CECR2: variants seen among roughly 807,000 people sequenced by gnomAD.
CECR2 encodes the protein CECR2 histone acetyl-lysine reader, also known as chromatin remodeling regulator CECR2.
A neutral mutation model predicts 154.5 loss-of-function variants in CECR2; 30 were observed. That is an observed-to-expected ratio of 0.19 (90% CI 0.15 to 0.26). The LOEUF (loss-of-function observed/expected upper bound fraction) is 0.26, where lower values mean the gene tolerates loss of function less well. Ranked by LOEUF, CECR2 falls within the 10% of genes least tolerant of loss-of-function variation. CECR2 has a pLI of 1.00. For missense variants in CECR2, 1,743 were observed against 1,829.3 expected, an observed-to-expected ratio of 0.95 and a Z score of 0.86; for synonymous variants, 725 against 683.7, an observed-to-expected ratio of 1.06 and a Z score of -0.94.
intron 1 of CECR2, among the ~76,000 whole-genome samples, chr22:17,442,721 G>T (rs1363572354): frequency 6.6e-6 from 1 of 152,042 alleles, no homozygotes; most frequent in East Asian, 1.9e-4. Context: ...GCTAATTTTT[G>T]TATTTTTAGT....
chr22:17,400,588 A>G (rs912771361), intron 1 of CECR2, among the ~76,000 whole-genome samples: 8 of 152,142 alleles, frequency 5.3e-5, no homozygotes, highest in Admixed American at 2.6e-4. Context: ...GCTGGCTGAC[A>G]TCTTCATTTC....
At chr22:17,451,702 T>C (rs76198769) in intron 1 of CECR2, among the ~76,000 whole-genome samples, 11,103 of 152,156 alleles carry the variant, frequency 0.073, 1,135 homozygotes, top group African/African-American at 0.23. Context: ...GGTCTCAAAT[T>C]AAATATCATT....
At chr22:17,383,604 C>A (rs1182518605) in intron 1 of CECR2, among the ~76,000 whole-genome samples, 1 of 151,074 alleles carries the variant, frequency 6.6e-6, no homozygotes, top group Non-Finnish European at 1.5e-5. Flanking sequence ...AAAAACTCCT[C>A]CATTCCAGTT....
intron 9 of CECR2, among the ~76,000 whole-genome samples, chr22:17,526,041 T>C (rs1443372057): frequency 6.6e-6 from 1 of 152,156 alleles, no homozygotes; most frequent in Admixed American, 6.6e-5. Context: ...TCTACGTTCA[T>C]GGATAACAAG....
chr22:17,392,391 G>A (rs1022718227), intron 1 of CECR2, among the ~76,000 whole-genome samples: 4 of 152,192 alleles, frequency 2.6e-5, no homozygotes, highest in Non-Finnish European at 1.5e-5. Context: ...AGGAGGCTGA[G>A]GCAGGAGAAT....
At position 17,549,367 on chromosome 22, in the gene CECR2, C is replaced by G; in HGVS notation, c.4080C>G (p.Pro1360=). 1 of 1,613,938 alleles carries G rather than the reference C, an allele frequency of 6.2e-7. No individual in the cohort carries two copies. The highest frequency in any genetic ancestry group is 8.5e-7 in the Non-Finnish European group (1 of 1,179,874). Residue 1360 remains proline (P), a synonymous_variant, in exon 17 of 19, where the codon CCC becomes CCG. Transcript: ENST00000262608. ...TPQRPASHFQ[P]RAYSSPVAAL... ...AGCGGCCGGCCAGTCACTTTCAGCC[C>G]AGGGCTTACTCTTCCCCTGTGGCTG...
intron 1 of CECR2, among the ~76,000 whole-genome samples, chr22:17,376,700 G>C (rs373144317): frequency 6.6e-6 from 1 of 151,142 alleles, no homozygotes; most frequent in South Asian, 2.1e-4. Flanking sequence ...GTGCAGTGGC[G>C]TGATCTCAGC....
At position 17,549,328 on chromosome 22, in the gene CECR2, T is replaced by C. The variant is rs767591001; in HGVS notation, c.4041T>C (p.Pro1347=). The C allele has an allele frequency of 6.2e-7, 1 of 1,613,924 alleles. No individual in the cohort carries two copies. The highest frequency in any genetic ancestry group is 8.5e-7 in the Non-Finnish European group (1 of 1,179,882). The part of the protein sequence containing the change: ...PPHSVMLQTG[P]PYTPQRPASH... The stretch of plus-strand genomic sequence containing the variant: ...ACAGTGTGATGCTGCAGACGGGGCC[T>C]CCCTATACCCCTCAGCGGCCGGCCA... The change falls in exon 17 of 19, where the codon CCT becomes CCC. Residue 1347 remains proline, a synonymous_variant. Transcript: ENST00000262608.
chr22:17,472,343 C>CT (rs1047113003), intron 1 of CECR2, among the ~76,000 whole-genome samples: 15 of 152,156 alleles, frequency 9.9e-5, no homozygotes, highest in Non-Finnish European at 1.9e-4. Flanking sequence ...GGCCAGTGTG[C>CT]TTTTTTTCTT....
chr22:17,528,564 C>G (rs1418520434), intron 9 of CECR2, among the ~76,000 whole-genome samples: 2 of 151,946 alleles, frequency 1.3e-5, no homozygotes, highest in Middle Eastern at 6.8e-3. Context: ...GAGACAGAGT[C>G]TCACTCTTTT....
intron 8 of CECR2, among the ~76,000 whole-genome samples, chr22:17,517,272 C>T (rs1299443810): frequency 6.6e-6 from 1 of 152,242 alleles, no homozygotes; most frequent in Non-Finnish European, 1.5e-5. Flanking sequence ...TGTGCTAAGA[C>T]GTGCTTCCTT....
At chr22:17,507,127 G>A (rs1288026029) in intron 7 of CECR2, among the ~76,000 whole-genome samples, 1 of 152,118 alleles carries the variant, frequency 6.6e-6, no homozygotes, top group Non-Finnish European at 1.5e-5. Context: ...GTACCTACAG[G>A]GAGGCAAACA....
intron 4 of CECR2, 134 bp from the exon 5 acceptor site, chr22:17,500,497 T>C (rs995345531): frequency 1.6e-6 from 1 of 626,654 alleles, no homozygotes; most frequent in African/African-American, 1.8e-5. Flanking sequence ...AGACTGGAAG[T>C]TGCTGTTCCC....
chr22:17,475,115 G>T (rs1356334101), intron 1 of CECR2, among the ~76,000 whole-genome samples: 1 of 152,156 alleles, frequency 6.6e-6, no homozygotes, highest in Non-Finnish European at 1.5e-5. Context: ...AGTGAGCACT[G>T]GTGGGAGCAG....
At chr22:17,498,794 A>G (rs1161824198) in intron 3 of CECR2, among the ~76,000 whole-genome samples, 1 of 151,886 alleles carries the variant, frequency 6.6e-6, no homozygotes, top group Non-Finnish European at 1.5e-5. Flanking sequence ...AACCGCTCCC[A>G]GCCAAATCTG....
intron 1 of CECR2, among the ~76,000 whole-genome samples, chr22:17,395,631 C>T (rs1273702321): frequency 1.3e-5 from 2 of 152,162 alleles, no homozygotes; most frequent in African/African-American, 2.4e-5. Context: ...CAGGGGTGAG[C>T]CACCGTGCCC....
At chr22:17,430,320 T>G (rs1413341857) in intron 1 of CECR2, among the ~76,000 whole-genome samples, 1 of 152,174 alleles carries the variant, frequency 6.6e-6, no homozygotes, top group Non-Finnish European at 1.5e-5. Context: ...ATTGCAAATG[T>G]GTATCTATAG....
intron 1 of CECR2, among the ~76,000 whole-genome samples, chr22:17,465,316 T>C (rs1002786279): frequency 1.3e-5 from 2 of 151,136 alleles, no homozygotes; most frequent in South Asian, 2.1e-4. Flanking sequence ...ATTTAAACTG[T>C]TTTTGTGTTT....
At chr22:17,552,721 G>C in intron 18 of CECR2, 114 bp from the exon 19 acceptor site, 1 of 1,009,492 alleles carries the variant, frequency 9.9e-7, no homozygotes, top group Non-Finnish European at 1.4e-6. Flanking sequence ...TGATGAAACA[G>C]AATCAAGCCA....
Sources: allele counts gnomAD v4.1 joint callset (sites outside exome capture counted in the v4.1 genomes callset), GRCh38; gene constraint gnomAD v4.1.1; transcripts MANE v1.5; gene names NCBI Gene and HGNC (gene_info 2026-07-23, HGNC 2026-07-21).